Variants in SLC37A1 observed in about 807,000 individuals in gnomAD.
SLC37A1 encodes solute carrier family 37 member 1, also known as glucose-6-phosphate exchanger SLC37A1.
A neutral mutation model predicts 75.3 loss-of-function variants in SLC37A1; 49 were observed. The observed-to-expected ratio is 0.65, with a 90% CI of 0.52 to 0.83. SLC37A1 has a LOEUF of 0.83. Among genes scored for constraint, SLC37A1 ranks in the 40% least tolerant of loss-of-function variants. SLC37A1 has a pLI of 0.00. For missense variants in SLC37A1, 566 were observed against 695.0 expected, an observed-to-expected ratio of 0.81 and a Z score of 2.09; for synonymous variants, 268 against 292.1, an observed-to-expected ratio of 0.92 and a Z score of 0.84.
At chr21:42,540,404 T>G (rs2055247690) in intron 6 of SLC37A1, among the ~76,000 whole-genome samples, 1 of 151,956 alleles carries the variant, frequency 6.6e-6, no homozygotes, top group African/African-American at 2.4e-5. Context: ...CTGCAGCTGG[T>G]TGGGTCACAG....
chr21:42,542,436 G>A lies in SLC37A1; in HGVS notation c.519G>A (p.Trp173Ter). 1 of 1,614,016 alleles carries A rather than the reference G, an allele frequency of 6.2e-7. No homozygotes were observed. Residue 173 changes from tryptophan (W) to a stop codon, truncating the protein, a stop_gained, in exon 7 of 20, where the codon TGG becomes TGA. Coordinates refer to ENST00000352133, the MANE Select transcript of SLC37A1 (RefSeq NM_001320537.2). LOFTEE classifies it high-confidence loss of function. ...VINGLVQTTGWPSVVTCLGNW... is the reference protein window; with the variant it reads ...VINGLVQTTG The stretch of plus-strand genomic sequence containing the variant: ...ACGGGCTGGTGCAGACCACCGGCTG[G>A]CCCAGCGTCGTCACCTGCCTCGGCA...
rs759430180 is a variant in SLC37A1 at position 42,525,868 on chromosome 21, T to C, written c.138+11T>C. On this transcript the variant is annotated intron_variant, in intron 3 of 19. Coordinates refer to ENST00000352133, the MANE Select transcript of SLC37A1 (RefSeq NM_001320537.2). ...ATCAGCATAGTTAAGGTAAGAATCA[T>C]GGAAAGCACTGCCTGTCGTCTCTGT... 6 of 1,602,956 alleles carry C rather than the reference T, an allele frequency of 3.7e-6. No homozygotes were observed. Among genetic ancestry groups the C allele is most frequent in the South Asian group, 1.1e-5 (1 of 90,818 alleles).
chr21:42,539,404 C>T lies in SLC37A1; in HGVS notation c.351-108C>T, dbSNP rs956517076. The T allele has an allele frequency of 8.5e-6, 11 of 1,300,348 alleles. No individual in the cohort carries two copies. In the African/African-American group the frequency reaches 1.4e-4, roughly 16 times the overall value. 80.6% of individuals were successfully genotyped at this position (1,300,348 alleles called of 1,614,324 possible). On this transcript the variant is annotated intron_variant, in intron 5 of 19. Coordinates refer to ENST00000352133, the MANE Select transcript of SLC37A1 (RefSeq NM_001320537.2). Reference sequence around the variant, plus strand: ...GGAAATTGTAAGGCTTGAGAGTTCCCCAAGCTCAGAGAACAGCATGAAAGC... The same window carrying T: ...GGAAATTGTAAGGCTTGAGAGTTCCTCAAGCTCAGAGAACAGCATGAAAGC...
rs2054473917 is a variant in SLC37A1 at position 42,514,018 on chromosome 21, GCTCAGCAC to G, written c.-875_-868del. On this transcript the variant is annotated 5_prime_UTR_variant, in exon 1 of 20. Coordinates refer to ENST00000352133, the MANE Select transcript of SLC37A1 (RefSeq NM_001320537.2). This position sits in a 1 kb window ranked among gnomAD's most constrained non-coding sequence, Gnocchi z 4.8. The stretch of plus-strand genomic sequence containing the variant: ...CAGCCGGCGCTCAGGCGCCGCAGCC[GCTCAGCAC>G]CTGCGGCGCCCTCAGGGAGCCGGGC... 6.7e-6 allele frequency: 1 copy of G among 148,508 alleles called. No homozygotes were observed. Among genetic ancestry groups the G allele is most frequent in the African/African-American group, 2.5e-5 (1 of 40,770 alleles). The allele number at this position is 148,508 out of a possible 1,614,324, so 9.2% of individuals were successfully genotyped here.
At chr21:42,534,578 G>A in intron 3 of SLC37A1, 120 bp from the exon 4 acceptor site, 7 of 1,268,460 alleles carry the variant, frequency 5.5e-6, no homozygotes, top group Non-Finnish European at 7.5e-6. Flanking sequence ...AGAATGCAGG[G>A]TGCAGGTGCC....
At chr21:42,502,532 T>C (rs2054349571) in intron 2 of SLC37A1, 1 of 152,274 alleles carries the variant, frequency 6.6e-6, no homozygotes, top group Non-Finnish European at 1.5e-5. Context: ...TTTCCCCAAA[T>C]GTTTATTCTT....
At position 42,518,525 on chromosome 21, in the gene SLC37A1, G is replaced by A. The variant is rs1331916941; in HGVS notation, c.56+15G>A. 5.6e-6 allele frequency: 9 copies of A among 1,613,960 alleles called. No individual in the cohort carries two copies. In the African/African-American group the frequency reaches 8.0e-5, roughly 14 times the overall value. ...AGGGATCAGTGGTGAGTCCTGGTGG[G>A]GCAGGCCCTTGGCATGGAGCTGTGT... On this transcript the variant is annotated intron_variant, in intron 2 of 19. Coordinates refer to ENST00000352133, the MANE Select transcript of SLC37A1 (RefSeq NM_001320537.2).
At chr21:42,530,607 C>A (rs1369042774) in intron 3 of SLC37A1, among the ~76,000 whole-genome samples, 1 of 45,010 alleles carries the variant, frequency 2.2e-5, no homozygotes, top group African/African-American at 1.4e-4. Context: ...CACACACACA[C>A]ACACACACAC....
intron 17 of SLC37A1, among the ~76,000 whole-genome samples, chr21:42,571,165 G>C (rs928683411): frequency 4.6e-5 from 7 of 152,286 alleles, no homozygotes; most frequent in African/African-American, 1.7e-4. Context: ...ACAAAGTACA[G>C]GCTCCAGTGG....
intron 5 of SLC37A1, among the ~76,000 whole-genome samples, chr21:42,537,777 A>G (rs2055177268): frequency 6.6e-6 from 1 of 152,140 alleles, no homozygotes; most frequent in African/African-American, 2.4e-5. Context: ...TTAAAACAAA[A>G]TTTGGTCTAA....
chr21:42,530,649 CACACA>C lies in SLC37A1; in HGVS notation c.139-4048_139-4044del, dbSNP rs1181344262. ...ACACACACACACACACACACACACA[CACACA>C]CCCCCTCTGTGTTGGCTGAAGGTGG... On this transcript the variant is annotated intron_variant, in intron 3 of 19. Coordinates refer to ENST00000352133, the MANE Select transcript of SLC37A1 (RefSeq NM_001320537.2). Among the ~76,000 whole-genome samples the C allele has an allele frequency of 3.0e-3, 94 of 31,554 alleles. 4 individuals carry two copies. The highest frequency in any genetic ancestry group is 3.8e-3 in the Non-Finnish European group (58 of 15,210). The allele number at this position is 31,554 out of a possible 152,430, so 20.7% of individuals were successfully genotyped here.
chr21:42,579,621 G>C (rs1192204238), intron 18 of SLC37A1, 115 bp from the exon 19 acceptor site: 2 of 689,380 alleles, frequency 2.9e-6, no homozygotes, highest in South Asian at 2.0e-5. Flanking sequence ...GGAAGGTGCT[G>C]TGGGGAGAGA....
upstream of SLC37A1, among the ~76,000 whole-genome samples, chr21:42,511,302 C>A (rs2146683979): frequency 6.6e-6 from 1 of 152,132 alleles, no homozygotes; most frequent in East Asian, 1.9e-4. Flanking sequence ...AAAATGGAAA[C>A]AACATACCAA....
rs2055425161 is a variant in SLC37A1, at chr21:42,547,015, C to T, written c.731-88C>T. On this transcript the variant is annotated intron_variant, in intron 8 of 19. Transcript: ENST00000352133. The surrounding 1 kb of genome is among the most constrained non-coding windows in gnomAD (Gnocchi z 6.1). ...AGTCCAGTTTCACACCCGGTGCTCC[C>T]GTGTTGCCCTGTCCTCGGGTTACGT... 4.0e-6 allele frequency: 6 copies of T among 1,492,732 alleles called. No individual in the cohort carries two copies. The highest frequency in any genetic ancestry group is 3.4e-5 in the South Asian group (3 of 88,022). 92.5% of individuals were successfully genotyped at this position (1,492,732 alleles called of 1,614,324 possible). A position where few individuals can be genotyped will look rare whatever the true frequency, so the allele number is the denominator to read the frequency against.
At position 42,518,405 on chromosome 21, in the gene SLC37A1, A is replaced by T. The variant is rs1348352340; in HGVS notation, c.-50A>T. The T allele has an allele frequency of 6.2e-7, 1 of 1,611,538 alleles. No individual in the cohort carries two copies. Among genetic ancestry groups the T allele is most frequent in the South Asian group, 1.1e-5 (1 of 91,044 alleles). On this transcript the variant is annotated 5_prime_UTR_variant, in exon 2 of 20. An upstream start codon of the reference 5' UTR is lost. Transcript: ENST00000352133. ...TGGAGCCAGGATTAATGACTCATTTATGAAGCATCTTATTCTGCGACCGAG... is the reference window on the plus strand; with the variant it reads ...TGGAGCCAGGATTAATGACTCATTTTTGAAGCATCTTATTCTGCGACCGAG...
chr21:42,528,249 G>GGGC (rs2054851112), intron 3 of SLC37A1, among the ~76,000 whole-genome samples: 1 of 152,210 alleles, frequency 6.6e-6, no homozygotes, highest in Admixed American at 6.5e-5. Flanking sequence ...TGGGAGGATA[G>GGGC]TGGTGTTATA....
intron 1 of SLC37A1, among the ~76,000 whole-genome samples, chr21:42,516,148 G>C (rs1209017600): frequency 6.6e-6 from 1 of 152,206 alleles, no homozygotes; most frequent in African/African-American, 2.4e-5. Context: ...CCTGTAGAGA[G>C]TGACTTTTTA....
At chr21:42,554,024 A>T in intron 9 of SLC37A1, 38 bp from the exon 10 acceptor site, 1 of 1,534,190 alleles carries the variant, frequency 6.5e-7, no homozygotes, top group East Asian at 2.3e-5. Flanking sequence ...CTAGCTGTTG[A>T]ATCAGTATCG....
chr21:42,541,054 C>G (rs1314857639), intron 6 of SLC37A1, among the ~76,000 whole-genome samples: 2 of 152,124 alleles, frequency 1.3e-5, no homozygotes, highest in Non-Finnish European at 2.9e-5. Flanking sequence ...CACTGGGGAC[C>G]AGGGTTGGGG....
Sources: gnomAD v4.1 joint callset for allele counts (sites outside exome capture counted in the v4.1 genomes callset) on GRCh38, gnomAD v4.1.1 for gene constraint, Gnocchi (gnomAD v3.1) non-coding constraint, MANE v1.5 for transcripts, NCBI Gene and HGNC (gene_info 2026-07-23, HGNC 2026-07-21) for gene names.